PRTG: variants seen among roughly 807,000 people sequenced by gnomAD.
The protein encoded by PRTG is protogenin, also known as immunoglobulin superfamily, DCC subclass, member 5.
Under a neutral mutation model 122.5 loss-of-function variants are expected in PRTG, and 67 were observed. The observed-to-expected ratio is 0.55, with a 90% CI of 0.45 to 0.67. PRTG has a LOEUF of 0.67. Ranked by LOEUF, PRTG falls within the 30% of genes least tolerant of loss-of-function variation. The pLI is 0.00. For missense variants in PRTG, 1,435 were observed against 1,415.4 expected, an observed-to-expected ratio of 1.01 and a Z score of -0.22; for synonymous variants, 554 against 501.1, an observed-to-expected ratio of 1.11 and a Z score of -1.41.
At chr15:55,633,647 CT>C (rs2059240112) in intron 15 of PRTG, among the ~76,000 whole-genome samples, 1 of 152,168 alleles carries the variant, frequency 6.6e-6, no homozygotes, top group African/African-American at 2.4e-5. Context: ...TTTCCAAAAG[CT>C]GCCATAATTA....
rs1830993552 is a variant in PRTG, at chr15:55,734,578, A to C, written c.397+5804T>G. Among the ~76,000 whole-genome samples the C allele has an allele frequency of 2.0e-5, 3 of 151,526 alleles. No homozygotes were observed. The South Asian group carries it at 6.2e-4, about 31-fold the overall frequency. On this transcript the variant is annotated intron_variant, in intron 2 of 19. Transcript: ENST00000389286. ...TCATAATCTAGCCACTATAAATGCT[A>C]AAGCTATTTTATATATATATATAAC...
At chr15:55,650,379 T>C (rs1027493678) in intron 11 of PRTG, among the ~76,000 whole-genome samples, 1 of 152,076 alleles carries the variant, frequency 6.6e-6, no homozygotes, top group African/African-American at 2.4e-5. Context: ...ACAGAGGAGG[T>C]GGCATTTGAG....
chr15:55,743,084 G>T lies in PRTG; in HGVS notation c.-153C>A, dbSNP rs1322629161. 3.1e-6 allele frequency: 4 copies of T among 1,288,546 alleles called. No homozygotes were observed. The highest frequency in any genetic ancestry group is 2.9e-6 in the Non-Finnish European group (3 of 1,022,926). The allele number at this position is 1,288,546 out of a possible 1,614,324, so 79.8% of individuals were successfully genotyped here. A position where few individuals can be genotyped will look rare whatever the true frequency, so the allele number is the denominator to read the frequency against. On this transcript the variant is annotated 5_prime_UTR_variant, in exon 1 of 20. Transcript: ENST00000389286. Reference sequence around the variant, plus strand: ...CCGGCGTGGCGAGCGTCTCTGCGGCGGCGAGGCTGGTGCTCGGACGGCCGC... The same window carrying T: ...CCGGCGTGGCGAGCGTCTCTGCGGCTGCGAGGCTGGTGCTCGGACGGCCGC...
chr15:55,739,633 G>A (rs368804572), intron 2 of PRTG, among the ~76,000 whole-genome samples: 1 of 152,296 alleles, frequency 6.6e-6, no homozygotes, highest in South Asian at 2.1e-4. Context: ...AAGGAGTTCA[G>A]TACTTGTCCT....
Position 55,673,549 on chromosome 15 carries a change from T to C in PRTG, c.1674A>G (p.Leu558=), listed in dbSNP as rs768357007. Residue 558 remains leucine, a synonymous_variant, in exon 10 of 20, where the codon CTA becomes CTG. Coordinates refer to ENST00000389286, the MANE Select transcript of PRTG (RefSeq NM_173814.6). ...QVVLYRLSFR[L]STENSIQVLE... ...GAACTTGGATTGAATTCTCAGTACT[T>C]AGGCGGAAAGACAAGCGATACAGCA... 6.2e-7 allele frequency: 1 copy of C among 1,614,110 alleles called. No homozygotes were observed. Among genetic ancestry groups the C allele is most frequent in the East Asian group, 2.2e-5 (1 of 44,880 alleles).
intron 14 of PRTG, 97 bp downstream of exon 14, chr15:55,638,452 A>G: frequency 2.3e-6 from 2 of 859,482 alleles, no homozygotes; most frequent in South Asian, 2.4e-5. Flanking sequence ...GTAGGTGGCA[A>G]CTAGGGTAGT....
chr15:55,638,423 C>A, intron 14 of PRTG, 126 bp downstream of exon 14: 4 of 619,180 alleles, frequency 6.5e-6, no homozygotes, highest in Admixed American at 3.8e-5. Context: ...TGAAACAAAA[C>A]AAATACATAT....
At chr15:55,730,798 T>A (rs867587850) in intron 2 of PRTG, among the ~76,000 whole-genome samples, 18 of 152,086 alleles carry the variant, frequency 1.2e-4, no homozygotes, top group African/African-American at 4.3e-4. Flanking sequence ...CAAGACTCTG[T>A]CTCAAAATAA....
At chr15:55,722,479 A>G (rs2030861764) in intron 2 of PRTG, among the ~76,000 whole-genome samples, 1 of 152,182 alleles carries the variant, frequency 6.6e-6, no homozygotes, top group African/African-American at 2.4e-5. Context: ...AGTGTCTACA[A>G]TGTGCAAAGC....
In PRTG at chr15:55,637,669, C is replaced by T. The variant is rs547422318; in HGVS notation, c.2453-329G>A. ...CACCTGTCCATCAGATATTGGGTTT[C>T]ACCCCATTAGTACTGATAGTTCTTA... On this transcript the variant is annotated intron_variant, in intron 14 of 19. Coordinates refer to ENST00000389286, the MANE Select transcript of PRTG (RefSeq NM_173814.6). Among the ~76,000 whole-genome samples the T allele has an allele frequency of 1.5e-3, 230 of 152,126 alleles. 2 individuals are homozygous for T. Among genetic ancestry groups the T allele is most frequent in the African/African-American group, 5.3e-3 (219 of 41,498 alleles).
At chr15:55,702,722 T>C (rs889941859) in intron 2 of PRTG, among the ~76,000 whole-genome samples, 2 of 152,148 alleles carry the variant, frequency 1.3e-5, no homozygotes, top group African/African-American at 4.8e-5. Flanking sequence ...CTTCTACCTA[T>C]GGAAATGGTC....
At chr15:55,695,246 A>T (rs1308376418) in intron 2 of PRTG, among the ~76,000 whole-genome samples, 26 of 152,240 alleles carry the variant, frequency 1.7e-4, no homozygotes, top group Admixed American at 1.7e-3. Flanking sequence ...TAAATATTTA[A>T]GTAATACGCT....
intron 2 of PRTG, among the ~76,000 whole-genome samples, chr15:55,711,153 C>T (rs894861354): frequency 2.0e-5 from 3 of 147,560 alleles, no homozygotes; most frequent in African/African-American, 7.6e-5. Flanking sequence ...AACTCCTGAC[C>T]TCAAGTGATC....
Position 55,644,735 on chromosome 15 carries a change from G to A in PRTG, c.2042-3527C>T, listed in dbSNP as rs181661110. Among the ~76,000 whole-genome samples the A allele has an allele frequency of 5.9e-5, 9 of 151,882 alleles. No homozygotes were observed. In the East Asian group the frequency reaches 1.6e-3, roughly 26 times the overall value. ...CAGGTTCCTTCCCATGTTATATCAG[G>A]CGTACAAGATCCTTTCTATCCAAAT... On this transcript the variant is annotated intron_variant, in intron 11 of 19. Coordinates refer to ENST00000389286, the MANE Select transcript of PRTG (RefSeq NM_173814.6).
At chr15:55,650,661 A>C (rs558793628) in intron 11 of PRTG, among the ~76,000 whole-genome samples, 3 of 152,174 alleles carry the variant, frequency 2.0e-5, no homozygotes, top group Admixed American at 6.5e-5. Context: ...AGAAGAGACT[A>C]AGGAGTAAGA....
At position 55,682,449 on chromosome 15, in the gene PRTG, T is replaced by C. The variant is rs1452720490; in HGVS notation, c.591A>G (p.Gln197=). 3.1e-6 allele frequency: 5 copies of C among 1,601,798 alleles called. No individual in the cohort carries two copies. Among genetic ancestry groups the C allele is most frequent in the Middle Eastern group, 3.3e-4 (2 of 6,022 alleles). ...TGVLQIYDVS[Q]RDSGNYRCIA... is the part of the protein sequence containing the mutation. ...TACAACGATAATTTCCAGAATCCCT[T>C]TGGCTGACATCATAGATCTGCAATA... Residue 197 remains glutamine (Q), a synonymous_variant, in exon 4 of 20, where the codon CAA becomes CAG. Coordinates refer to ENST00000389286, the MANE Select transcript of PRTG (RefSeq NM_173814.6).
chr15:55,729,676 T>A (rs1425900234), intron 2 of PRTG, among the ~76,000 whole-genome samples: 2 of 152,166 alleles, frequency 1.3e-5, no homozygotes, highest in East Asian at 1.9e-4. Flanking sequence ...CTTATTTTTT[T>A]AATTCCATGA....
Position 55,647,135 on chromosome 15 carries a change from C to T in PRTG, c.2042-5927G>A, listed in dbSNP as rs796154559. Among the ~76,000 whole-genome samples the T allele has an allele frequency of 3.4e-4, 51 of 152,174 alleles. 4 individuals are homozygous for T. Among genetic ancestry groups the T allele is most frequent in the African/African-American group, 1.2e-3 (48 of 41,508 alleles). ...TCTCCACTCAAAGAAAAAGGAATAG[C>T]CGGGCGTGGTGGTGGGCGCCTGTAA... On this transcript the variant is annotated intron_variant, in intron 11 of 19. Coordinates refer to ENST00000389286, the MANE Select transcript of PRTG (RefSeq NM_173814.6).
At chr15:55,663,485 T>C (rs928826408) in intron 11 of PRTG, among the ~76,000 whole-genome samples, 1 of 152,076 alleles carries the variant, frequency 6.6e-6, no homozygotes, top group Non-Finnish European at 1.5e-5. Flanking sequence ...TAGTCAAGTC[T>C]TGCCCCCATC....
Sources: allele counts gnomAD v4.1 joint callset (sites outside exome capture counted in the v4.1 genomes callset), GRCh38; gene constraint gnomAD v4.1.1; transcripts MANE v1.5; gene names NCBI Gene and HGNC (gene_info 2026-07-23, HGNC 2026-07-21).